The following ADARB1 variants were observed in gnomAD, a reference collection of about 807,000 sequenced individuals.
The protein encoded by ADARB1 is adenosine deaminase RNA specific B1.
A neutral mutation model predicts 52.4 loss-of-function variants in ADARB1; 10 were observed. That is an observed-to-expected ratio of 0.19 (90% CI 0.12 to 0.32). The LOEUF is 0.32. ADARB1 is among the 10% of genes least tolerant of loss of function. The probability of loss-of-function intolerance (pLI) is 1.00; values close to 1 mark genes in which losing one functional copy is unlikely to be tolerated. For synonymous variants in ADARB1, 349 were observed against 371.1 expected (o/e 0.94, Z 0.68); for missense variants, 643 against 922.3 (o/e 0.70, Z 3.92).
In ADARB1 at chr21:45,220,278, G is replaced by C. The variant is rs942313574; in HGVS notation, c.1748-558G>C. Among the ~76,000 whole-genome samples, 1 of 152,142 alleles carries C rather than the reference G, an allele frequency of 6.6e-6. No homozygotes were observed. Among genetic ancestry groups the C allele is most frequent in the African/African-American group, 2.4e-5 (1 of 41,426 alleles). On this transcript the variant is annotated intron_variant, in intron 9 of 10. Transcript: ENST00000348831. This position sits in a 1 kb window ranked among gnomAD's most constrained non-coding sequence, Gnocchi z 6.3. The stretch of plus-strand genomic sequence containing the variant: ...TTCCATGAACTTTTTCAAGACTCTT[G>C]TTAAGAATTAGGGTTTCCTATTGCA...
chr21:45,078,516 T>C (rs1180684533), intron 1 of ADARB1, among the ~76,000 whole-genome samples: 4 of 152,068 alleles, frequency 2.6e-5, no homozygotes, highest in African/African-American at 9.7e-5. Context: ...GTGGTGAGGA[T>C]GGAGTGAGCT....
At chr21:45,109,227 G>A (rs1178005840) in intron 1 of ADARB1, among the ~76,000 whole-genome samples, 1 of 149,220 alleles carries the variant, frequency 6.7e-6, no homozygotes, top group Non-Finnish European at 1.5e-5. Context: ...GTGCGCGCTT[G>A]TGTGTATATG....
chr21:45,139,804 G>A (rs2089612000), intron 2 of ADARB1, among the ~76,000 whole-genome samples: 1 of 151,978 alleles, frequency 6.6e-6, no homozygotes, highest in Non-Finnish European at 1.5e-5. Context: ...CATTCTTCTT[G>A]AAATATGTGT....
intron 1 of ADARB1, among the ~76,000 whole-genome samples, chr21:45,120,383 A>AT (rs1458167955): frequency 1.3e-5 from 2 of 152,160 alleles, no homozygotes; most frequent in African/African-American, 4.8e-5. Context: ...TTCATATATG[A>AT]TTTCACACTT....
intron 5 of ADARB1, among the ~76,000 whole-genome samples, chr21:45,181,199 C>T (rs1246855510): frequency 1.3e-5 from 2 of 152,206 alleles, no homozygotes; most frequent in East Asian, 3.9e-4. Flanking sequence ...TCTCTGTCTA[C>T]ATCCACCAGC....
Position 45,223,608 on chromosome 21 carries a change from G to A in ADARB1, c.*1411G>A. The A allele has an allele frequency of 1.0e-6, 1 of 985,616 alleles. No homozygotes were observed. Among genetic ancestry groups the A allele is most frequent in the Non-Finnish European group, 1.2e-6 (1 of 830,102 alleles). The allele number at this position is 985,616 out of a possible 1,614,324, so 61.1% of individuals were successfully genotyped here. ...TCTCCTGGGGCCATGGGGAGAGATT[G>A]GTGCAGACCTTACCCCACAGCATAC... On this transcript the variant is annotated 3_prime_UTR_variant, in exon 11 of 11. Transcript: ENST00000348831.
chr21:45,100,247 T>A (rs1001126519), intron 1 of ADARB1, among the ~76,000 whole-genome samples: 15 of 152,356 alleles, frequency 9.8e-5, no homozygotes, highest in African/African-American at 3.6e-4. Flanking sequence ...CAAGGTTCTT[T>A]GGAAGAATGG....
At position 45,184,944 on chromosome 21, in the gene ADARB1, A is replaced by G. The variant is rs756584747; in HGVS notation, c.1418A>G (p.Asn473Ser). 6.2e-7 allele frequency: 1 copy of G among 1,613,122 alleles called. No individual in the cohort carries two copies. Among genetic ancestry groups the G allele is most frequent in the Non-Finnish European group, 8.5e-7 (1 of 1,179,130 alleles). The part of the protein sequence containing the change: ...ILEEPADRHP[N>S]RKARGQLRTK... ...TTAGAACCAGCAGATAGACACCCAA[A>G]TCGTAAAGCAAGAGGACAGCTACGG... The change falls in exon 8 of 11, where the codon AAT (asparagine) becomes AGT (serine). Residue 473 changes from asparagine to serine, a missense_variant. By Grantham distance (46) the Asn-to-Ser change is conservative. Transcript: ENST00000348831.
intron 1 of ADARB1, among the ~76,000 whole-genome samples, chr21:45,083,900 C>T (rs1027256121): frequency 3.3e-5 from 5 of 152,134 alleles, no homozygotes; most frequent in African/African-American, 4.8e-5. Flanking sequence ...GGGGTTTTAC[C>T]GTGTTGCCCA....
At chr21:45,188,313 G>C (rs554415851) in intron 8 of ADARB1, among the ~76,000 whole-genome samples, 1 of 152,160 alleles carries the variant, frequency 6.6e-6, no homozygotes, top group South Asian at 2.1e-4. Flanking sequence ...CACCATGTTG[G>C]TCAGGCTGAT....
intron 1 of ADARB1, among the ~76,000 whole-genome samples, chr21:45,077,502 A>G (rs969983701): frequency 2.3e-4 from 35 of 152,090 alleles, no homozygotes; most frequent in African/African-American, 8.2e-4. Context: ...CGTCTCTACT[A>G]AAAAAATATA....
In ADARB1 at chr21:45,222,435, C is replaced by T. The variant is rs777417670; in HGVS notation, c.*238C>T. On this transcript the variant is annotated 3_prime_UTR_variant, in exon 11 of 11. Coordinates refer to ENST00000348831, the MANE Select transcript of ADARB1 (RefSeq NM_001112.4). ...GCATCGCCGCCTGGCATCTCTCTGC[C>T]GCAGCATTTCCCCTTCTGAACCGTC... 56 of 1,283,370 alleles carry T rather than the reference C, an allele frequency of 4.4e-5. 1 individual carries two copies. In the Middle Eastern group the frequency reaches 8.7e-4, roughly 20 times the overall value. The allele number at this position is 1,283,370 out of a possible 1,614,324, so 79.5% of individuals were successfully genotyped here.
intron 2 of ADARB1, among the ~76,000 whole-genome samples, chr21:45,136,703 C>T (rs1023389714): frequency 2.7e-4 from 41 of 152,324 alleles, no homozygotes; most frequent in Admixed American, 2.2e-3. Flanking sequence ...GGGGTGTCCC[C>T]GCACCCAGAG....
At chr21:45,113,920 A>G (rs1251251243) in intron 1 of ADARB1, among the ~76,000 whole-genome samples, 1 of 152,222 alleles carries the variant, frequency 6.6e-6, no homozygotes, top group Non-Finnish European at 1.5e-5. Flanking sequence ...AATAGCACGT[A>G]TAAGAAAATT....
At chr21:45,171,499 A>AT (rs1232908907) in intron 2 of ADARB1, 111 bp from the exon 3 acceptor site, 4 of 718,968 alleles carry the variant, frequency 5.6e-6, no homozygotes, top group Admixed American at 2.9e-5. Flanking sequence ...TTATTTTATG[A>AT]TTTTTTTCCT....
intron 9 of ADARB1, among the ~76,000 whole-genome samples, chr21:45,212,853 AAC>A (rs2092794946): frequency 6.6e-6 from 1 of 152,344 alleles, no homozygotes; most frequent in South Asian, 2.1e-4. Flanking sequence ...AACTGAAAGA[AAC>A]AATTTAGAAA....
chr21:45,081,784 G>A (rs369457634), intron 1 of ADARB1, among the ~76,000 whole-genome samples: 11 of 152,298 alleles, frequency 7.2e-5, no homozygotes, highest in South Asian at 4.1e-4. Context: ...ATGTCAGGAG[G>A]GGGGACAACA....
intron 2 of ADARB1, among the ~76,000 whole-genome samples, chr21:45,146,609 A>C (rs950603646): frequency 2.6e-5 from 4 of 152,230 alleles, no homozygotes; most frequent in Non-Finnish European, 2.9e-5. Context: ...TATTGGGCTC[A>C]GCTTCCTGTA....
chr21:45,214,011 A>G (rs2092817199), intron 9 of ADARB1, among the ~76,000 whole-genome samples: 1 of 152,230 alleles, frequency 6.6e-6, no homozygotes, highest in Non-Finnish European at 1.5e-5. Context: ...TACCACCACT[A>G]GTGTGCGGGA....
Sources: allele counts gnomAD v4.1 joint callset (sites outside exome capture counted in the v4.1 genomes callset), GRCh38; gene constraint gnomAD v4.1.1; non-coding constraint Gnocchi (gnomAD v3.1); transcripts MANE v1.5; gene names NCBI Gene and HGNC (gene_info 2026-07-23, HGNC 2026-07-21).